DOCK9: variants seen among roughly 807,000 people sequenced by gnomAD.
DOCK9 encodes the protein dedicator of cytokinesis 9.
Under a neutral mutation model 263.3 loss-of-function variants are expected in DOCK9, and 89 were observed. That is an observed-to-expected ratio of 0.34 (90% CI 0.28 to 0.40). The LOEUF is 0.40. Among genes scored for constraint, DOCK9 ranks in the 10% least tolerant of loss-of-function variants. The pLI is 1.00. For missense variants in DOCK9, 2,140 were observed against 2,603.4 expected (o/e 0.82, Z 3.87); for synonymous variants, 976 against 973.1 (o/e 1.00, Z -0.06).
In DOCK9 at chr13:98,894,683, A is replaced by G. The variant is rs553677494; in HGVS notation, c.1709+2805T>C. ...GAATGAAATTTTCTTGAAACTCAAA[A>G]AATGACAATAATTACTATATGATAA... is the stretch of plus-strand genomic sequence containing the variant. On this transcript the variant is annotated intron_variant, in intron 15 of 52. Transcript: ENST00000682017. Among the ~76,000 whole-genome samples, 94 of 152,196 alleles carry G rather than the reference A, an allele frequency of 6.2e-4. No homozygotes were observed. In the Middle Eastern group the frequency reaches 0.01, roughly 17 times the overall value.
chr13:98,908,061 T>C (rs1283312778), intron 9 of DOCK9, among the ~76,000 whole-genome samples: 1 of 152,180 alleles, frequency 6.6e-6, no homozygotes, highest in Admixed American at 6.5e-5. Flanking sequence ...GCCTGGCTTC[T>C]AACTCAGGTT....
At chr13:98,926,011 T>C (rs7318788) in intron 3 of DOCK9, 92 bp from the exon 4 acceptor site, 680,383 of 1,002,940 alleles carry the variant, frequency 0.68, 233,438 homozygotes, top group Middle Eastern at 0.76. Flanking sequence ...GGCATACCCA[T>C]AGAAACATCA....
chr13:99,054,183 C>G (rs905798467), intron 1 of DOCK9, among the ~76,000 whole-genome samples: 40 of 152,148 alleles, frequency 2.6e-4, no homozygotes, highest in African/African-American at 8.7e-4. Context: ...TATTTATAAA[C>G]CCAATGGCTG....
chr13:98,978,614 T>C (rs1039421528), upstream of DOCK9, among the ~76,000 whole-genome samples: 10 of 152,210 alleles, frequency 6.6e-5, no homozygotes, highest in Non-Finnish European at 1.0e-4. Context: ...CCACATATCA[T>C]AGTAAATGCA....
chr13:98,864,038 T>C (rs2093951960), intron 30 of DOCK9, among the ~76,000 whole-genome samples: 1 of 152,232 alleles, frequency 6.6e-6, no homozygotes, highest in Admixed American at 6.5e-5. Flanking sequence ...TTCCTGGTCA[T>C]TAATGTCTAT....
In DOCK9 at chr13:98,881,421, T is replaced by C. The variant is rs142121364; in HGVS notation, c.2745+137A>G. On this transcript the variant is annotated intron_variant, in intron 25 of 52. Transcript: ENST00000682017. The stretch of plus-strand genomic sequence containing the variant: ...TACCTCCCCTATTCAGGTACAAGCA[T>C]TGGCTATGAGAAATAGAAGAGAAAG... The C allele has an allele frequency of 1.4e-3, 915 of 652,858 alleles. 5 individuals are homozygous for C. Among genetic ancestry groups the C allele is most frequent in the African/African-American group, 0.014 (765 of 55,050 alleles). 40.4% of individuals were successfully genotyped at this position (652,858 alleles called of 1,614,324 possible).
At chr13:99,068,671 T>TAA (rs200841453) in intron 1 of DOCK9, among the ~76,000 whole-genome samples, 1 of 147,060 alleles carries the variant, frequency 6.8e-6, no homozygotes, top group African/African-American at 2.5e-5. Context: ...TCCTTCAGTT[T>TAA]AAAAAAAAAA....
At chr13:98,976,459 C>G (rs1214821152) in intron 1 of DOCK9, among the ~76,000 whole-genome samples, 1 of 152,148 alleles carries the variant, frequency 6.6e-6, no homozygotes, top group Non-Finnish European at 1.5e-5. Flanking sequence ...TATTTCTACA[C>G]AGCTGGAGAA....
At chr13:99,002,884 T>C (rs1358217719) in intron 1 of DOCK9, among the ~76,000 whole-genome samples, 1 of 152,212 alleles carries the variant, frequency 6.6e-6, no homozygotes. Context: ...TCTTTGTTCC[T>C]TGGCTTCCTC....
At chr13:99,014,457 C>T (rs1007929351) in intron 1 of DOCK9, among the ~76,000 whole-genome samples, 4 of 152,172 alleles carry the variant, frequency 2.6e-5, no homozygotes, top group Admixed American at 1.3e-4. Flanking sequence ...CCACATATTG[C>T]GAGTGCTAAC....
chr13:99,060,062 C>CTT (rs71114576), intron 1 of DOCK9, among the ~76,000 whole-genome samples: 1,984 of 61,426 alleles, frequency 0.032, 401 homozygotes, highest in Middle Eastern at 0.059. Flanking sequence ...ATTGTTTCTA[C>CTT]TTTTTTTTTT....
chr13:98,807,227 G>T (rs1355208966), intron 48 of DOCK9, among the ~76,000 whole-genome samples: 1 of 152,182 alleles, frequency 6.6e-6, no homozygotes, highest in Non-Finnish European at 1.5e-5. Context: ...TCACGCTGCT[G>T]GTGAGTTCAT....
At chr13:98,813,521 T>C (rs1253295641) in intron 45 of DOCK9, among the ~76,000 whole-genome samples, 1 of 152,218 alleles carries the variant, frequency 6.6e-6, no homozygotes, top group East Asian at 1.9e-4. Flanking sequence ...ATTAATTTGA[T>C]TGGCTTTTCA....
chr13:98,978,044 CTGGCTGGG>C lies in DOCK9; in HGVS notation c.-143_-136del, dbSNP rs1317107887. 1.4e-6 allele frequency: 2 copies of C among 1,444,456 alleles called. No homozygotes were observed. Among genetic ancestry groups the C allele is most frequent in the African/African-American group, 2.9e-5 (2 of 70,132 alleles). The allele number at this position is 1,444,456 out of a possible 1,614,324, so 89.5% of individuals were successfully genotyped here. A position where few individuals can be genotyped will look rare whatever the true frequency, so the allele number is the denominator to read the frequency against. ...TCCCAGGCACAAGTGGTCAGCCCCG[CTGGCTGGG>C]TCTGCAGAGCCTGTGGGGTGGGAAG... On this transcript the variant is annotated 5_prime_UTR_variant, in exon 1 of 53. Transcript: ENST00000682017.
At chr13:98,925,986 G>A in intron 3 of DOCK9, 67 bp from the exon 4 acceptor site, 1 of 1,363,348 alleles carries the variant, frequency 7.3e-7, no homozygotes, top group South Asian at 1.4e-5. Flanking sequence ...GAAAACACTT[G>A]GGAAAGTTTG....
rs752172750 is a variant in DOCK9 at position 98,831,333 on chromosome 13, C to T, written c.4635+15G>A. The T allele has an allele frequency of 5.0e-6, 8 of 1,594,028 alleles. No homozygotes were observed. In the South Asian group the frequency reaches 6.9e-5, roughly 14 times the overall value. ...TACAGAGTAAATCTGTATTGGAAAG[C>T]TAAACCACACGCACTTGCAAATGTG... On this transcript the variant is annotated intron_variant, in intron 41 of 52. Transcript: ENST00000682017.
At chr13:98,980,583 T>C (rs1876952168), upstream of DOCK9, among the ~76,000 whole-genome samples, 1 of 152,266 alleles carries the variant, frequency 6.6e-6, no homozygotes. Flanking sequence ...TAGATGGCCT[T>C]TAGCCTTTAA....
intron 3 of DOCK9, among the ~76,000 whole-genome samples, chr13:98,928,660 T>C (rs541856176): frequency 5.9e-5 from 9 of 152,232 alleles, no homozygotes; most frequent in South Asian, 4.1e-4. Context: ...GAGGGTCATA[T>C]TATCTCTACT....
At chr13:98,862,293 C>A (rs1294004263) in intron 32 of DOCK9, among the ~76,000 whole-genome samples, 1 of 152,052 alleles carries the variant, frequency 6.6e-6, no homozygotes, top group Non-Finnish European at 1.5e-5. Flanking sequence ...CAGAATGTAC[C>A]CTTATTTGGA....
Sources: allele counts gnomAD v4.1 joint callset (sites outside exome capture counted in the v4.1 genomes callset), GRCh38; gene constraint gnomAD v4.1.1; transcripts MANE v1.5; gene names NCBI Gene and HGNC (gene_info 2026-07-23, HGNC 2026-07-21).